The following ATL1 variants were observed in gnomAD, a reference collection of about 807,000 sequenced individuals.
The protein encoded by ATL1 is atlastin GTPase 1.
Under a neutral mutation model 75.5 loss-of-function variants are expected in ATL1, and 31 were observed. The observed-to-expected ratio is 0.41, with a 90% CI of 0.31 to 0.55. ATL1 has a LOEUF of 0.55. Among genes scored for constraint, ATL1 ranks in the 20% least tolerant of loss-of-function variants. ATL1 has a pLI of 0.27. For synonymous variants in ATL1, 226 were observed against 233.3 expected, an observed-to-expected ratio of 0.97 and a Z score of 0.28; for missense variants, 405 against 662.6, an observed-to-expected ratio of 0.61 and a Z score of 4.27.
intron 11 of ATL1, among the ~76,000 whole-genome samples, chr14:50,627,191 CAA>C (rs1320239776): frequency 2.0e-5 from 3 of 152,218 alleles, no homozygotes; most frequent in African/African-American, 7.2e-5. Flanking sequence ...CCTCCACCAG[CAA>C]AAAGATTGAT....
At chr14:50,599,268 T>C (rs925018468) in intron 6 of ATL1, among the ~76,000 whole-genome samples, 3 of 152,262 alleles carry the variant, frequency 2.0e-5, no homozygotes, top group African/African-American at 4.8e-5. Context: ...AGAATATTAA[T>C]AGACAAGTCA....
In ATL1 at chr14:50,615,693, A is replaced by T. The variant is rs770306353; in HGVS notation, c.862+1182A>T. On this transcript the variant is annotated intron_variant, in intron 8 of 13. Coordinates refer to ENST00000358385, the MANE Select transcript of ATL1 (RefSeq NM_015915.5). ...AATTCCAACCCACTAGTGGATGCAG[A>T]GATCTCAGTATTGTGCAATTACCTA... Among the ~76,000 whole-genome samples the T allele has an allele frequency of 2.0e-4, 30 of 152,222 alleles. 1 individual carries two copies. The highest frequency in any genetic ancestry group is 1.5e-3 in the Admixed American group (23 of 15,276).
intron 1 of ATL1, among the ~76,000 whole-genome samples, chr14:50,565,317 CA>C (rs969825466): frequency 1.5e-4 from 23 of 150,322 alleles, no homozygotes; most frequent in African/African-American, 5.6e-4. Flanking sequence ...AAAAAACAAA[CA>C]AAAAAAACCA....
At chr14:50,559,254 C>T (rs186695870), upstream of ATL1, 2 of 152,076 alleles carry the variant, frequency 1.3e-5, no homozygotes, top group African/African-American at 4.8e-5. Flanking sequence ...TCCTAAGAAC[C>T]GATCAGTACA....
At chr14:50,621,971 C>A in intron 10 of ATL1, 72 bp downstream of exon 10, 3 of 1,003,322 alleles carry the variant, frequency 3.0e-6, no homozygotes, top group African/African-American at 1.6e-5. Flanking sequence ...CAGAAATAAC[C>A]AAATAACAAT....
chr14:50,588,752 G>T lies in ATL1; in HGVS notation c.282+674G>T, dbSNP rs370486086. Among the ~76,000 whole-genome samples the T allele has an allele frequency of 7.2e-5, 11 of 152,190 alleles. No individual in the cohort carries two copies. The East Asian group carries it at 7.7e-4, about 11-fold the overall frequency. The stretch of plus-strand genomic sequence containing the variant: ...AAAAAAACACACAAAAATTAGCTGG[G>T]TATGTTTTCCTTGTCCTTCAAGGTT... On this transcript the variant is annotated intron_variant, in intron 2 of 13. Coordinates refer to ENST00000358385, the MANE Select transcript of ATL1 (RefSeq NM_015915.5).
chr14:50,585,908 C>T (rs965155357), intron 1 of ATL1, among the ~76,000 whole-genome samples: 1 of 152,152 alleles, frequency 6.6e-6, no homozygotes, highest in African/African-American at 2.4e-5. Flanking sequence ...GGTCTGTTGT[C>T]TCTAGATGCT....
chr14:50,627,911 T>C (rs2039536763), intron 11 of ATL1, 120 bp from the exon 12 acceptor site: 3 of 919,788 alleles, frequency 3.3e-6, no homozygotes, highest in East Asian at 2.6e-5. Flanking sequence ...ACAAAACATA[T>C]ATGCAGGCTC....
intron 7 of ATL1, 124 bp downstream of exon 7, chr14:50,613,475 A>G (rs966794511): frequency 4.1e-6 from 3 of 736,736 alleles, no homozygotes; most frequent in Non-Finnish European, 7.2e-6. Context: ...GATATTAATG[A>G]CACAGGTGAA....
At chr14:50,541,707 C>G (rs1208490578) in intron 1 of ATL1, among the ~76,000 whole-genome samples, 1 of 151,984 alleles carries the variant, frequency 6.6e-6, no homozygotes, top group Non-Finnish European at 1.5e-5. Flanking sequence ...CCAATGCAGA[C>G]CCCTAGGATT....
upstream of ATL1, chr14:50,559,068 G>A (rs966270102): frequency 6.6e-6 from 1 of 152,200 alleles, no homozygotes; most frequent in Admixed American, 6.5e-5. Context: ...CTGGTATAAT[G>A]TCCTCTCTTC....
At chr14:50,560,520 G>T in intron 1 of ATL1, 2 of 600,454 alleles carry the variant, frequency 3.3e-6, no homozygotes, top group East Asian at 2.9e-5. Flanking sequence ...GCAGCTTCGC[G>T]CAGGCCGGGC....
At chr14:50,613,468 A>G (rs2039385696) in intron 7 of ATL1, 117 bp downstream of exon 7, 2 of 760,740 alleles carry the variant, frequency 2.6e-6, no homozygotes, top group Admixed American at 4.1e-5. Context: ...TGTTATCGAT[A>G]TTAATGACAC....
intron 8 of ATL1, among the ~76,000 whole-genome samples, chr14:50,616,151 G>A (rs936740811): frequency 6.6e-6 from 1 of 152,016 alleles, no homozygotes; most frequent in African/African-American, 2.4e-5. Flanking sequence ...GCACCACCAT[G>A]TGCAGCTAAT....
intron 3 of ATL1, among the ~76,000 whole-genome samples, chr14:50,591,297 A>G (rs2039155610): frequency 1.3e-5 from 2 of 152,170 alleles, no homozygotes; most frequent in African/African-American, 4.8e-5. Context: ...TAACATCTGT[A>G]TTTTGTTTCA....
intron 6 of ATL1, among the ~76,000 whole-genome samples, chr14:50,610,771 T>C (rs1231657323): frequency 6.6e-6 from 1 of 152,134 alleles, no homozygotes; most frequent in African/African-American, 2.4e-5. Flanking sequence ...ACTATAATGA[T>C]CAAGAAAGAG....
At chr14:50,580,060 A>G (rs2140193659) in intron 1 of ATL1, among the ~76,000 whole-genome samples, 1 of 152,318 alleles carries the variant, frequency 6.6e-6, no homozygotes, top group East Asian at 1.9e-4. Context: ...AGAAATTTAT[A>G]TAGTCACGTT....
At chr14:50,589,155 C>CTTTTTT (rs34191629) in intron 2 of ATL1, among the ~76,000 whole-genome samples, 39 of 109,382 alleles carry the variant, frequency 3.6e-4, no homozygotes, top group Non-Finnish European at 4.3e-4. Context: ...TTCTTTCTTT[C>CTTTTTT]TTTTTTTTTT....
At chr14:50,588,218 ACCATTCC>A in intron 2 of ATL1, 140 bp downstream of exon 2, 1 of 1,099,476 alleles carries the variant, frequency 9.1e-7, no homozygotes, top group Non-Finnish European at 1.3e-6. Context: ...CTGTGGTGTA[ACCATTCC>A]AACCTCAGTG....
Sources: allele counts gnomAD v4.1 joint callset (sites outside exome capture counted in the v4.1 genomes callset), GRCh38; gene constraint gnomAD v4.1.1; transcripts MANE v1.5; gene names NCBI Gene and HGNC (gene_info 2026-07-23, HGNC 2026-07-21).